The following SKIC2 variants were observed in gnomAD, a reference collection of about 807,000 sequenced individuals.
The protein encoded by SKIC2 is SKI2 subunit of superkiller complex.
At chr6:31,963,953 C>T in the SKIC2 span, 1 of 1,612,194 alleles carries the variant, frequency 6.2e-7, no homozygotes, top group African/African-American at 1.3e-5. This position sits in a 1 kb window ranked among gnomAD's most constrained non-coding sequence, Gnocchi z 5.3. Context: ...TCCCTCCGCA[C>T]ACGTGCCCAG....
At chr6:31,967,544 C>A in the SKIC2 span, among the ~76,000 whole-genome samples, 1 of 152,144 alleles carries the variant, frequency 6.6e-6, no homozygotes, top group African/African-American at 2.4e-5. This position sits in a 1 kb window ranked among gnomAD's most constrained non-coding sequence, Gnocchi z 4.9. Context: ...CTCACTCCTT[C>A]CTCCCACCAC....
At chr6:31,961,688 CA>C in the SKIC2 span, 12 of 1,609,682 alleles carry the variant, frequency 7.5e-6, no homozygotes, top group Non-Finnish European at 1.0e-5. Flanking sequence ...ACTTTGGCCC[CA>C]TCTTCACACG....
At chr6:31,967,181 G>A in the SKIC2 span, 1 of 1,607,712 alleles carries the variant, frequency 6.2e-7, no homozygotes, top group Non-Finnish European at 8.5e-7. This position sits in a 1 kb window ranked among gnomAD's most constrained non-coding sequence, Gnocchi z 4.9. Context: ...TAGGAGAAGG[G>A]AAGAGAAGAT....
chr6:31,959,507 T>TG, the SKIC2 span: 1 of 796,008 alleles, frequency 1.3e-6, no homozygotes, highest in Non-Finnish European at 2.2e-6. Flanking sequence ...CCTGTACTCC[T>TG]GTCCATCCCA....
At chr6:31,959,441 C>G in the SKIC2 span, 2 of 1,359,440 alleles carry the variant, frequency 1.5e-6, no homozygotes, top group Non-Finnish European at 2.1e-6. Context: ...CGCATTGAGT[C>G]CAAACCTCCT....
the SKIC2 span, chr6:31,961,056 C>T: frequency 5.0e-6 from 8 of 1,612,180 alleles, no homozygotes; most frequent in Non-Finnish European, 4.2e-6. Flanking sequence ...CTTACTATTC[C>T]ACCTGGTTTC....
chr6:31,968,770 C>T, the SKIC2 span: 2 of 1,612,086 alleles, frequency 1.2e-6, no homozygotes, highest in Admixed American at 1.7e-5. The surrounding 1 kb of genome is among the most constrained non-coding windows in gnomAD (Gnocchi z 6.1). Context: ...ATTGCTGCTG[C>T]TTCCTGAGTA....
At chr6:31,967,125 C>A in the SKIC2 span, 1 of 1,611,036 alleles carries the variant, frequency 6.2e-7, no homozygotes, top group East Asian at 2.2e-5. This position sits in a 1 kb window ranked among gnomAD's most constrained non-coding sequence, Gnocchi z 4.9. Context: ...CTGACAGAGA[C>A]CCAGCACATG....
chr6:31,964,298 C>T, the SKIC2 span: 6 of 1,612,946 alleles, frequency 3.7e-6, no homozygotes, highest in Non-Finnish European at 5.1e-6. The surrounding 1 kb of genome is among the most constrained non-coding windows in gnomAD (Gnocchi z 5.0). Flanking sequence ...CCTGCCCATC[C>T]TCAAGGAGAT....
the SKIC2 span, chr6:31,967,061 G>C: frequency 6.2e-7 from 1 of 1,613,060 alleles, no homozygotes; most frequent in South Asian, 1.1e-5. The surrounding 1 kb of genome is among the most constrained non-coding windows in gnomAD (Gnocchi z 4.9). Flanking sequence ...GGAGGAGCCT[G>C]ACATGACTGG....
chr6:31,968,844 G>A, the SKIC2 span: 5 of 1,610,906 alleles, frequency 3.1e-6, no homozygotes, highest in South Asian at 3.3e-5. This position sits in a 1 kb window ranked among gnomAD's most constrained non-coding sequence, Gnocchi z 6.1. Flanking sequence ...ACAGCAGTGT[G>A]TCCAATGCCC....
chr6:31,959,610 A>T, the SKIC2 span: 1 of 561,282 alleles, frequency 1.8e-6, no homozygotes, highest in Non-Finnish European at 3.1e-6. Flanking sequence ...TTGCTTTGAG[A>T]GCTGCTCTTT....
chr6:31,960,666 G>A, the SKIC2 span: 1 of 1,589,810 alleles, frequency 6.3e-7, no homozygotes, highest in Non-Finnish European at 8.6e-7. Context: ...CTCTTCCCAG[G>A]GGGGATGGAT....
At chr6:31,961,080 A>G in the SKIC2 span, 5 of 1,613,356 alleles carry the variant, frequency 3.1e-6, no homozygotes, top group Non-Finnish European at 4.2e-6. Context: ...AAAGGCATGG[A>G]CTTTGCACCA....
chr6:31,969,410 C>G, the SKIC2 span: 6 of 1,613,992 alleles, frequency 3.7e-6, no homozygotes, highest in Non-Finnish European at 5.1e-6. The surrounding 1 kb of genome is among the most constrained non-coding windows in gnomAD (Gnocchi z 6.1). Flanking sequence ...TATGAGTGGG[C>G]CCGGGGCATG....
At chr6:31,963,292 T>TAA in the SKIC2 span, 1 of 970,342 alleles carries the variant, frequency 1.0e-6, no homozygotes, top group East Asian at 2.6e-5. The surrounding 1 kb of genome is among the most constrained non-coding windows in gnomAD (Gnocchi z 5.3). Context: ...TGTTGGGGGA[T>TAA]AGCCTTCCAT....
At chr6:31,968,296 AC>A in the SKIC2 span, 2 of 1,552,470 alleles carry the variant, frequency 1.3e-6, no homozygotes, top group Non-Finnish European at 1.8e-6. The surrounding 1 kb of genome is among the most constrained non-coding windows in gnomAD (Gnocchi z 6.1). Flanking sequence ...AGAAGATCTT[AC>A]CCCAGATCTT....
At chr6:31,963,438 G>A in the SKIC2 span, 4 of 1,602,094 alleles carry the variant, frequency 2.5e-6, no homozygotes, top group Non-Finnish European at 2.6e-6. The surrounding 1 kb of genome is among the most constrained non-coding windows in gnomAD (Gnocchi z 5.3). Flanking sequence ...TCAGATCTAT[G>A]TGATTAGCAC....
chr6:31,967,846 G>A, the SKIC2 span: 2 of 1,612,932 alleles, frequency 1.2e-6, no homozygotes, highest in Non-Finnish European at 1.7e-6. The surrounding 1 kb of genome is among the most constrained non-coding windows in gnomAD (Gnocchi z 4.9). Flanking sequence ...TGGGATTCAA[G>A]CTGTTCCTGC....
Sources: gnomAD v4.1 joint callset for allele counts (sites outside exome capture counted in the v4.1 genomes callset) on GRCh38, gnomAD v4.1.1 for gene constraint, Gnocchi (gnomAD v3.1) non-coding constraint, MANE v1.5 for transcripts, NCBI Gene and HGNC (gene_info 2026-07-23, HGNC 2026-07-21) for gene names.